LRRC39: variants seen among roughly 807,000 people sequenced by gnomAD.
The protein encoded by LRRC39 is leucine-rich repeat-containing protein 39.
Under a neutral mutation model 39.7 loss-of-function variants are expected in LRRC39, and 35 were observed. The observed-to-expected ratio is 0.88, with a 90% CI of 0.67 to 1.17. The LOEUF is 1.17. Among genes scored for constraint, LRRC39 ranks in the 50% most tolerant of loss-of-function variants. The pLI is 0.00. For missense variants in LRRC39, 357 were observed against 385.8 expected (o/e 0.93, Z 0.62); for synonymous variants, 113 against 134.1 (o/e 0.84, Z 1.09).
At chr1:100,170,834 C>G (rs2101794786) in intron 2 of LRRC39, among the ~76,000 whole-genome samples, 1 of 152,178 alleles carries the variant, frequency 6.6e-6, no homozygotes, top group South Asian at 2.1e-4. Context: ...GCCTCAGCCT[C>G]TCAGGTAGCT....
intron 8 of LRRC39, among the ~76,000 whole-genome samples, chr1:100,154,817 T>C (rs1245476677): frequency 6.6e-6 from 1 of 152,246 alleles, no homozygotes; most frequent in East Asian, 1.9e-4. Context: ...AAGACATTTC[T>C]TAAAGCTGAT....
At chr1:100,171,566 G>C (rs1659609121) in intron 2 of LRRC39, among the ~76,000 whole-genome samples, 1 of 146,376 alleles carries the variant, frequency 6.8e-6, no homozygotes, top group Non-Finnish European at 1.5e-5. Flanking sequence ...GCAGAGGCGT[G>C]ATCTCGGCTC....
chr1:100,154,474 TAAAG>T (rs1007817210), intron 8 of LRRC39, among the ~76,000 whole-genome samples: 8 of 152,204 alleles, frequency 5.3e-5, no homozygotes, highest in East Asian at 1.9e-4. Context: ...TGAAACATAA[TAAAG>T]AAAAGACAAA....
chr1:100,158,134 A>C (rs1438047852), intron 6 of LRRC39, 97 bp downstream of exon 6: 7 of 1,324,522 alleles, frequency 5.3e-6, no homozygotes, highest in Non-Finnish European at 7.3e-6. Flanking sequence ...AATACATAGA[A>C]TTTTCTCATT....
chr1:100,173,245 A>C (rs7528137), intron 2 of LRRC39, 86 bp downstream of exon 2: 10,111 of 151,392 alleles, frequency 0.067, 356 homozygotes, highest in African/African-American at 0.084. Context: ...GTCTCAAAAA[A>C]AAAACAAAAC....
Position 100,152,592 on chromosome 1 carries a change from A to G in LRRC39, c.813-68T>C, listed in dbSNP as rs61150459. 6.5e-3 allele frequency: 9,899 copies of G among 1,528,094 alleles called. 512 individuals carry two copies. In the African/African-American group the frequency reaches 0.12, roughly 18 times the overall value. 94.7% of individuals were successfully genotyped at this position (1,528,094 alleles called of 1,614,324 possible). The stretch of plus-strand genomic sequence containing the variant: ...AAGTGTACATTTATTTCCCTGGAGA[A>G]AGGTCAAATGATAATATACTAAATT... On this transcript the variant is annotated intron_variant, in intron 8 of 9. Coordinates refer to ENST00000370137, the MANE Select transcript of LRRC39 (RefSeq NM_144620.4).
intron 1 of LRRC39, among the ~76,000 whole-genome samples, chr1:100,175,357 T>G (rs1659889869): frequency 6.6e-6 from 1 of 151,346 alleles, no homozygotes; most frequent in Non-Finnish European, 1.5e-5. Context: ...CAGTTTTTTT[T>G]TTTTTTTTTT....
At position 100,152,980 on chromosome 1, in the gene LRRC39, G is replaced by C. The variant is rs533732276; in HGVS notation, c.813-456C>G. On this transcript the variant is annotated intron_variant, in intron 8 of 9. Coordinates refer to ENST00000370137, the MANE Select transcript of LRRC39 (RefSeq NM_144620.4). Reference sequence around the variant, plus strand: ...GGCCTCAAGTGATCTGCCTGCCTCAGCCTCCTAAAGTACTGGGATTACAGG... The same window carrying C: ...GGCCTCAAGTGATCTGCCTGCCTCACCCTCCTAAAGTACTGGGATTACAGG... 2.0e-5 allele frequency among the ~76,000 whole-genome samples: 3 copies of C among 152,314 alleles called. No individual in the cohort carries two copies. In the South Asian group the frequency reaches 6.2e-4, roughly 32 times the overall value.
intron 2 of LRRC39, among the ~76,000 whole-genome samples, chr1:100,172,809 A>C (rs1180530738): frequency 6.6e-6 from 1 of 151,908 alleles, no homozygotes; most frequent in Non-Finnish European, 1.5e-5. Flanking sequence ...AAATACAAAA[A>C]ATTAGCCGGG....
intron 3 of LRRC39, among the ~76,000 whole-genome samples, chr1:100,167,778 AAATAATAATAATAATAATAATAATAAT>A (rs5776500): frequency 7.3e-6 from 1 of 137,398 alleles, no homozygotes; most frequent in African/African-American, 2.7e-5. Context: ...TCCATTTCAA[AAATAATAATAATAATAATAATAATAAT>A]AATAATAATA....
intron 1 of LRRC39, among the ~76,000 whole-genome samples, chr1:100,177,398 A>C (rs186649477): frequency 5.3e-5 from 8 of 152,340 alleles, no homozygotes; most frequent in Admixed American, 4.6e-4. Context: ...GAACTATATT[A>C]CAGAAAAAAG....
intron 8 of LRRC39, among the ~76,000 whole-genome samples, chr1:100,152,748 G>T (rs890131617): frequency 6.6e-6 from 1 of 151,996 alleles, no homozygotes; most frequent in African/African-American, 2.4e-5. Flanking sequence ...GCTTATAAAA[G>T]CAACTGTTAG....
intron 1 of LRRC39, among the ~76,000 whole-genome samples, chr1:100,176,641 G>T (rs1216842732): frequency 3.3e-5 from 5 of 152,270 alleles, no homozygotes; most frequent in Admixed American, 1.3e-4. Flanking sequence ...ACAAAATGTG[G>T]CATGATTTTT....
chr1:100,163,174 T>C (rs867421430), intron 3 of LRRC39, among the ~76,000 whole-genome samples: 1 of 152,130 alleles, frequency 6.6e-6, no homozygotes, highest in African/African-American at 2.4e-5. Context: ...ATTATAAAAA[T>C]AGAACTATTC....
At position 100,148,686 on chromosome 1, in the gene LRRC39, G is replaced by A. The variant is rs750442726; in HGVS notation, c.*356C>T. 6.2e-7 allele frequency: 1 copy of A among 1,613,186 alleles called. No homozygotes were observed. Among genetic ancestry groups the A allele is most frequent in the East Asian group, 2.2e-5 (1 of 44,752 alleles). ...TCTTTGTAAATTGCTGATTGACCAA[G>A]GTCGAATCCAGTATTTGCAGCAGAA... is the stretch of plus-strand genomic sequence containing the variant. On this transcript the variant is annotated 3_prime_UTR_variant, in exon 10 of 10. Transcript: ENST00000370137.
At chr1:100,179,499 CAA>C (rs60588308), upstream of LRRC39, among the ~76,000 whole-genome samples, 8 of 45,616 alleles carry the variant, frequency 1.8e-4, no homozygotes, top group Admixed American at 4.1e-4. Flanking sequence ...CTGTATCTAC[CAA>C]AAAAAAAAAA....
rs780642554 is a variant in LRRC39 at position 100,160,507 on chromosome 1, C to T, written c.178G>A (p.Asp60Asn). Residue 60 changes from aspartate to asparagine, a missense_variant, in exon 4 of 10, where the codon GAT (aspartate) becomes AAT (asparagine). Asp to Asn is a conservative substitution (Grantham distance 23). Coordinates refer to ENST00000370137, the MANE Select transcript of LRRC39 (RefSeq NM_144620.4). ...TKLREKVTRE[D>N]GRVILKIEKE... ...TCTATCTTCAAAATGACTCTTCCAT[C>T]TTCCCTGGTGACCTTTTCTCTTAGC... The T allele has an allele frequency of 5.0e-6, 8 of 1,613,986 alleles. No individual in the cohort carries two copies. Among genetic ancestry groups the T allele is most frequent in the South Asian group, 2.2e-5 (2 of 91,052 alleles).
intron 9 of LRRC39, 52 bp downstream of exon 9, chr1:100,152,329 TACAC>T: frequency 6.5e-7 from 1 of 1,527,372 alleles, no homozygotes; most frequent in Non-Finnish European, 8.9e-7. Context: ...CAGTTAGTGA[TACAC>T]ACATTACTCT....
chr1:100,152,415 TGTG>T lies in LRRC39; in HGVS notation c.919_921del (p.His307del). The T allele has an allele frequency of 1.9e-6, 3 of 1,614,094 alleles. No homozygotes were observed. The highest frequency in any genetic ancestry group is 2.5e-6 in the Non-Finnish European group (3 of 1,179,996). Reference sequence around the variant, plus strand: ...CTTCTCCGTGACTCTTGTATGTATGTGTGCATAAACTGAAGGCCAAATAATTCC... The same window carrying T: ...CTTCTCCGTGACTCTTGTATGTATGTCATAAACTGAAGGCCAAATAATTCC... On this transcript the variant is annotated inframe_deletion, in exon 9 of 10. Transcript: ENST00000370137.
Sources: gnomAD v4.1 joint callset for allele counts (sites outside exome capture counted in the v4.1 genomes callset) on GRCh38, gnomAD v4.1.1 for gene constraint, MANE v1.5 for transcripts, NCBI Gene and HGNC (gene_info 2026-07-23, HGNC 2026-07-21) for gene names.